The following STARD9 variants were observed in gnomAD, a reference collection of about 807,000 sequenced individuals.
STARD9 encodes the protein stAR-related lipid transfer protein 9.
STARD9 carries 346 observed loss-of-function variants against 399.8 expected under a neutral mutation model. That is an observed-to-expected ratio of 0.87 (90% CI 0.79 to 0.95). The LOEUF (loss-of-function observed/expected upper bound fraction) is 0.95. Ranked by LOEUF, STARD9 falls within the 40% of genes least tolerant of loss-of-function variation. STARD9 has a pLI of 0.00. For synonymous variants in STARD9, 2,203 were observed against 2,143.5 expected, an observed-to-expected ratio of 1.03 and a Z score of -0.77; for missense variants, 5,832 against 5,667.5, an observed-to-expected ratio of 1.03 and a Z score of -0.93.
At chr15:42,641,667 C>T (rs1328053348) in intron 7 of STARD9, among the ~76,000 whole-genome samples, 3 of 151,916 alleles carry the variant, frequency 2.0e-5, no homozygotes, top group Non-Finnish European at 1.5e-5. Flanking sequence ...TGCAATGGCG[C>T]GATCTCGGCT....
chr15:42,581,600 G>T (rs917895636), intron 1 of STARD9: 2 of 727,354 alleles, frequency 2.7e-6, no homozygotes, highest in Non-Finnish European at 4.6e-6. Flanking sequence ...CTCCTCGCTC[G>T]CTTCCTCTAG....
intron 9 of STARD9, among the ~76,000 whole-genome samples, chr15:42,655,608 A>G (rs533586857): frequency 6.6e-6 from 1 of 152,356 alleles, no homozygotes; most frequent in Non-Finnish European, 1.5e-5. Flanking sequence ...AAAGACTTAC[A>G]TATAAGACCT....
intron 26 of STARD9, among the ~76,000 whole-genome samples, chr15:42,708,550 C>G (rs2140370807): frequency 6.6e-6 from 1 of 152,322 alleles, no homozygotes; most frequent in East Asian, 1.9e-4. Context: ...CCTTTTGATT[C>G]TAACTTATTC....
chr15:42,593,783 C>T (rs566506005), intron 3 of STARD9, among the ~76,000 whole-genome samples: 2 of 150,144 alleles, frequency 1.3e-5, no homozygotes, highest in African/African-American at 2.4e-5. Flanking sequence ...CCTGTCTCAG[C>T]CTCCTGAGTA....
At chr15:42,707,167 CTTAT>C (rs1270440584) in intron 26 of STARD9, among the ~76,000 whole-genome samples, 1 of 152,070 alleles carries the variant, frequency 6.6e-6, no homozygotes, top group African/African-American at 2.4e-5. Context: ...AAACTTTATA[CTTAT>C]TAAGTTGGCA....
chr15:42,680,369 G>A (rs1311657075), intron 20 of STARD9, among the ~76,000 whole-genome samples: 3 of 152,146 alleles, frequency 2.0e-5, no homozygotes, highest in African/African-American at 7.2e-5. Flanking sequence ...GGAGGCTGAG[G>A]TGGGGAGATC....
intron 3 of STARD9, among the ~76,000 whole-genome samples, chr15:42,600,058 T>A (rs1198012014): frequency 6.6e-6 from 1 of 152,158 alleles, no homozygotes; most frequent in Non-Finnish European, 1.5e-5. Flanking sequence ...GATCAGGTGG[T>A]GCTAGTCTGG....
Position 42,687,084 on chromosome 15 carries a change from C to G in STARD9, c.5506C>G (p.Pro1836Ala). Residue 1836 changes from proline (P) to alanine (A), a missense_variant, in exon 23 of 33, where the codon CCT becomes GCT. Pro to Ala is a conservative substitution (Grantham distance 27, BLOSUM62 -1). Around this residue, in one of 2 missense-constraint regions of STARD9, gnomAD observed 5,828 missense variants for 5,651.1 expected, o/e 1.03. Coordinates refer to ENST00000290607, the MANE Select transcript of STARD9 (RefSeq NM_020759.3). ...REVIRESGKC[P>A]GNITEESHDS... ...AGTCATCAGAGAATCAGGTAAATGC[C>G]CTGGAAATATTACAGAAGAAAGCCA... 6.5e-7 allele frequency: 1 copy of G among 1,537,156 alleles called. No individual in the cohort carries two copies. Among genetic ancestry groups the G allele is most frequent in the Non-Finnish European group, 8.7e-7 (1 of 1,146,910 alleles).
In STARD9 at chr15:42,693,790, G is replaced by A. The variant is rs1326059731; in HGVS notation, c.12212G>A (p.Arg4071His). Residue 4071 changes from arginine (R) to histidine (H), a missense_variant, in exon 23 of 33, where the codon CGC becomes CAC. This residue lies in a region of STARD9 where 5,828 missense variants were observed against 5,651.1 expected (regional missense o/e 1.03). Coordinates refer to ENST00000290607, the MANE Select transcript of STARD9 (RefSeq NM_020759.3). The part of the protein sequence containing the change: ...ESSASPGEPQ[R>H]TLDRPSSWGG... ...TCAGCATCTCCAGGGGAACCACAAC[G>A]CACTCTGGACCGACCTTCTTCATGG... is the stretch of plus-strand genomic sequence containing the variant. 9 of 1,536,238 alleles carry A rather than the reference G, an allele frequency of 5.9e-6. No homozygotes were observed. Among genetic ancestry groups the A allele is most frequent in the South Asian group, 2.4e-5 (2 of 83,974 alleles).
intron 3 of STARD9, among the ~76,000 whole-genome samples, chr15:42,589,331 C>T (rs2058348444): frequency 6.6e-6 from 1 of 152,156 alleles, no homozygotes; most frequent in African/African-American, 2.4e-5. Flanking sequence ...GGATTATAGG[C>T]ATGAGTCACC....
chr15:42,596,239 C>A (rs1289754337), intron 3 of STARD9, among the ~76,000 whole-genome samples: 1 of 152,144 alleles, frequency 6.6e-6, no homozygotes, highest in African/African-American at 2.4e-5. Context: ...CAAGGGCAGC[C>A]TAAGCATAAA....
rs541517356 is a variant in STARD9, at chr15:42,647,028, A to G, written c.560-3988A>G. 6.1e-4 allele frequency among the ~76,000 whole-genome samples: 93 copies of G among 152,332 alleles called. No individual in the cohort carries two copies. The South Asian group carries it at 0.019, about 31-fold the overall frequency. ...ATTTATCAATTAAGTTCGCTTTTCTATACGATTCTTGGTGTACCAACACAA... is the reference window on the plus strand; with the variant it reads ...ATTTATCAATTAAGTTCGCTTTTCTGTACGATTCTTGGTGTACCAACACAA... On this transcript the variant is annotated intron_variant, in intron 7 of 32. Transcript: ENST00000290607.
chr15:42,688,289 T>C lies in STARD9; in HGVS notation c.6711T>C (p.Pro2237=), dbSNP rs114533051. The change falls in exon 23 of 33, where the codon CCT becomes CCC. Residue 2237 remains proline (P), a synonymous_variant. Transcript: ENST00000290607. ...VKASASLKGQ[P]WGLGSLEELE... ...CATCAGCAAGTCTCAAAGGGCAGCC[T>C]TGGGGCTTAGGAAGTCTTGAGGAAT... is the stretch of plus-strand genomic sequence containing the variant. The C allele has an allele frequency of 2.6e-6, 4 of 1,537,428 alleles. No homozygotes were observed. The highest frequency in any genetic ancestry group is 4.9e-5 in the East Asian group (2 of 40,928).
At position 42,593,654 on chromosome 15, in the gene STARD9, CTTTTTTTTTTTTT is replaced by C. The variant is rs71108170; in HGVS notation, c.234+8032_234+8044del. Among the ~76,000 whole-genome samples the C allele has an allele frequency of 4.5e-5, 3 of 66,918 alleles. No homozygotes were observed. The South Asian group carries it at 2.1e-3, about 47-fold the overall frequency. 43.9% of individuals were successfully genotyped at this position (66,918 alleles called of 152,430 possible). A position where few individuals can be genotyped will look rare whatever the true frequency, so the allele number is the denominator to read the frequency against. Reference sequence around the variant, plus strand: ...TTTTAGTAGTAATATGGTTGTGCTTCTTTTTTTTTTTTTTTTTTTTTTTTTTTGAGACAGAGTC... The same window carrying C: ...TTTTAGTAGTAATATGGTTGTGCTTCTTTTTTTTTTTTTTGAGACAGAGTC... On this transcript the variant is annotated intron_variant, in intron 3 of 32. Transcript: ENST00000290607.
Position 42,619,124 on chromosome 15 carries a change from C to CT in STARD9, c.235-15726dup, listed in dbSNP as rs902838558. On this transcript the variant is annotated intron_variant, in intron 3 of 32. Coordinates refer to ENST00000290607, the MANE Select transcript of STARD9 (RefSeq NM_020759.3). The stretch of plus-strand genomic sequence containing the variant: ...TTAAATTTACATATGGTAAAGTTTA[C>CT]TTTTTTGGTGTACATTTCCATGAAT... 2.0e-4 allele frequency among the ~76,000 whole-genome samples: 30 copies of CT among 151,888 alleles called. No individual in the cohort carries two copies. The South Asian group carries it at 4.8e-3, about 24-fold the overall frequency.
At chr15:42,605,007 A>T (rs1366611345) in intron 3 of STARD9, among the ~76,000 whole-genome samples, 1 of 152,130 alleles carries the variant, frequency 6.6e-6, no homozygotes, top group African/African-American at 2.4e-5. Flanking sequence ...TTCTTCTTAA[A>T]TCTTGAGGGT....
intron 26 of STARD9, among the ~76,000 whole-genome samples, chr15:42,704,096 A>T (rs2061025267): frequency 6.6e-6 from 1 of 151,946 alleles, no homozygotes; most frequent in African/African-American, 2.4e-5. Flanking sequence ...TTTTTAGTAG[A>T]GATGGGGTTT....
chr15:42,691,739 A>T lies in STARD9; in HGVS notation c.10161A>T (p.Ser3387=). Residue 3387 remains serine (S), a synonymous_variant, in exon 23 of 33, where the codon TCA becomes TCT. Transcript: ENST00000290607. ...CTGAGGACAGCAATCAGAAAGCCTCATCTCGCTTGGATGATGGGACTACCG... is the reference window on the plus strand; with the variant it reads ...CTGAGGACAGCAATCAGAAAGCCTCTTCTCGCTTGGATGATGGGACTACCG... The part of the protein sequence containing the change: ...LQAEDSNQKA[S]SRLDDGTTDH... The T allele has an allele frequency of 6.5e-7, 1 of 1,537,256 alleles. No individual in the cohort carries two copies. Among genetic ancestry groups the T allele is most frequent in the Non-Finnish European group, 8.7e-7 (1 of 1,146,914 alleles).
At position 42,693,238 on chromosome 15, in the gene STARD9, G is replaced by A. The variant is rs2060757364; in HGVS notation, c.11660G>A (p.Gly3887Asp). 6 of 1,536,804 alleles carry A rather than the reference G, an allele frequency of 3.9e-6. No homozygotes were observed. The South Asian group carries it at 4.8e-5, about 12-fold the overall frequency. ...GACTCCAGGGTCCAGAAGAAGCTGG[G>A]CCCCACAAGTGCTTTGTTCGTGGAC... ...PGDSRVQKKL[G>D]PTSALFVDRA... is the part of the protein sequence containing the mutation. Residue 3887 changes from glycine (G) to aspartate (D), a missense_variant, in exon 23 of 33, where the codon GGC becomes GAC. Physicochemically the swap from Gly to Asp is moderately conservative, Grantham distance 94 (BLOSUM62 -1). Coordinates refer to ENST00000290607, the MANE Select transcript of STARD9 (RefSeq NM_020759.3).
Sources: gnomAD v4.1 joint callset for allele counts (sites outside exome capture counted in the v4.1 genomes callset) on GRCh38, gnomAD v4.1.1 for gene constraint, gnomAD v4.1.1 regional missense constraint, MANE v1.5 for transcripts, NCBI Gene and HGNC (gene_info 2026-07-23, HGNC 2026-07-21) for gene names.